Variants in RNF34 observed in about 807,000 individuals in gnomAD.
The protein encoded by RNF34 is E3 ubiquitin-protein ligase RNF34.
In RNF34, 12 loss-of-function variants were observed where a neutral mutation model predicts 37.9. The ratio of observed to expected loss-of-function variants is 0.32; its 90% CI spans 0.20 to 0.51. RNF34 has a LOEUF of 0.51. RNF34 is among the 20% of genes least tolerant of loss of function. The pLI is 0.97. For missense variants in RNF34, 362 were observed against 472.7 expected, an observed-to-expected ratio of 0.77 and a Z score of 2.17; for synonymous variants, 155 against 177.2, an observed-to-expected ratio of 0.87 and a Z score of 1.00.
intron 5 of RNF34, among the ~76,000 whole-genome samples, chr12:121,421,191 G>A (rs185096803): frequency 1.3e-5 from 2 of 151,952 alleles, no homozygotes; most frequent in African/African-American, 2.4e-5. Context: ...ATAGTTCTTA[G>A]CATCAACTAT....
intron 1 of RNF34, among the ~76,000 whole-genome samples, chr12:121,415,798 A>AT (rs1871507785): frequency 6.7e-6 from 1 of 148,880 alleles, no homozygotes; most frequent in Non-Finnish European, 1.5e-5. Context: ...TTTTTAGTAT[A>AT]TGCATATCCC....
At chr12:121,406,283 A>AGTTGTTGTT (rs79540358) in intron 1 of RNF34, among the ~76,000 whole-genome samples, 7,935 of 150,556 alleles carry the variant, frequency 0.053, 684 homozygotes, top group African/African-American at 0.18. Flanking sequence ...GGAATGTGTA[A>AGTTGTTGTT]GTTGTTGTTG....
At chr12:121,420,906 T>G (rs1555283260) in intron 5 of RNF34, 128 bp downstream of exon 5, 8 of 683,508 alleles carry the variant, frequency 1.2e-5, no homozygotes, top group Non-Finnish European at 1.8e-5. Flanking sequence ...TGAGTATCAG[T>G]TAGTTACATG....
intron 5 of RNF34, among the ~76,000 whole-genome samples, chr12:121,422,916 G>GA (rs3842646): frequency 0.19 from 28,988 of 151,982 alleles, 4,270 homozygotes; most frequent in African/African-American, 0.41. Context: ...ACTTTCCTAA[G>GA]GGGGAACTAA....
chr12:121,408,487 G>A (rs1490832999), intron 1 of RNF34, among the ~76,000 whole-genome samples: 1 of 152,040 alleles, frequency 6.6e-6, no homozygotes, highest in African/African-American at 2.4e-5. Context: ...TAGAAAATGT[G>A]TACAGATTTA....
rs1871752850 is a variant in RNF34 at position 121,418,169 on chromosome 12, G to C, written c.633+258G>C. The C allele has an allele frequency of 1.3e-5, 6 of 467,288 alleles. No individual in the cohort carries two copies. The South Asian group carries it at 1.4e-4, about 11-fold the overall frequency. 28.9% of individuals were successfully genotyped at this position (467,288 alleles called of 1,614,324 possible). ...TCTCTTGGCCTTAGTTAATTTCTCT[G>C]TCTTACACAGTTAGACACTAACTGT... is the stretch of plus-strand genomic sequence containing the variant. On this transcript the variant is annotated intron_variant, in intron 3 of 5. Transcript: ENST00000361234.
intron 3 of RNF34, among the ~76,000 whole-genome samples, chr12:121,419,277 T>C (rs1396889737): frequency 1.8e-4 from 27 of 152,228 alleles, no homozygotes; most frequent in Admixed American, 6.5e-5. Flanking sequence ...CCATGCCCTA[T>C]AGCCTAGGTG....
chr12:121,417,457 C>T lies in RNF34; in HGVS notation c.226-47C>T. 6.6e-7 allele frequency: 1 copy of T among 1,515,494 alleles called. No individual in the cohort carries two copies. Among genetic ancestry groups the T allele is most frequent in the Non-Finnish European group, 8.9e-7 (1 of 1,122,786 alleles). The allele number at this position is 1,515,494 out of a possible 1,614,324, so 93.9% of individuals were successfully genotyped here. A position where few individuals can be genotyped will look rare whatever the true frequency, so the allele number is the denominator to read the frequency against. ...AAGGCAGAAAGAAAACTCATGCTTT[C>T]ATAATGGTTTATATCTTGCTGTCAT... On this transcript the variant is annotated intron_variant, in intron 2 of 5. Coordinates refer to ENST00000361234, the MANE Select transcript of RNF34 (RefSeq NM_025126.4). The surrounding 1 kb of genome is among the most constrained non-coding windows in gnomAD (Gnocchi z 5.0).
At chr12:121,419,756 C>G (rs1271522874) in intron 3 of RNF34, 3 of 153,138 alleles carry the variant, frequency 2.0e-5, no homozygotes, top group Non-Finnish European at 4.4e-5. Context: ...TCAGTGAAGT[C>G]TAGAAAGCCT....
intron 1 of RNF34, among the ~76,000 whole-genome samples, chr12:121,408,504 G>T (rs1555280930): frequency 6.6e-6 from 1 of 152,126 alleles, no homozygotes. Context: ...TTTAAGAGGG[G>T]AAAGATCAGT....
intron 1 of RNF34, among the ~76,000 whole-genome samples, chr12:121,413,547 G>T (rs1555281679): frequency 6.7e-6 from 1 of 149,196 alleles, no homozygotes; most frequent in Non-Finnish European, 1.5e-5. Flanking sequence ...GAGTAGCTGG[G>T]ATTACAGAAG....
At chr12:121,411,513 T>A (rs1871056648) in intron 1 of RNF34, among the ~76,000 whole-genome samples, 1 of 152,218 alleles carries the variant, frequency 6.6e-6, no homozygotes, top group Non-Finnish European at 1.5e-5. Context: ...TCTTCCCTAA[T>A]TCATTGTAAA....
intron 1 of RNF34, chr12:121,404,823 CATTTTGAAGT>C (rs1870367081): frequency 6.6e-6 from 1 of 152,142 alleles, no homozygotes; most frequent in Non-Finnish European, 1.5e-5. Flanking sequence ...TTAAATTGAG[CATTTTGAAGT>C]ATTTTCTCCC....
chr12:121,422,120 A>G (rs1404121840), intron 5 of RNF34, among the ~76,000 whole-genome samples: 1 of 152,186 alleles, frequency 6.6e-6, no homozygotes, highest in African/African-American at 2.4e-5. Context: ...GCACAACGAT[A>G]ATGCCATTCC....
At chr12:121,416,419 G>C (rs1555282217) in intron 2 of RNF34, 42 bp downstream of exon 2, 1 of 1,298,632 alleles carries the variant, frequency 7.7e-7, no homozygotes, top group East Asian at 2.3e-5. Flanking sequence ...ACATGGGTCA[G>C]CATTCTTGAT....
intron 1 of RNF34, among the ~76,000 whole-genome samples, chr12:121,410,780 C>A (rs1281521161): frequency 6.6e-6 from 1 of 152,154 alleles, no homozygotes; most frequent in East Asian, 1.9e-4. Flanking sequence ...TTCAGAGATT[C>A]TAATGAGGCT....
At chr12:121,408,233 G>T (rs1216225671) in intron 1 of RNF34, among the ~76,000 whole-genome samples, 1 of 152,176 alleles carries the variant, frequency 6.6e-6, no homozygotes, top group Non-Finnish European at 1.5e-5. Context: ...CTGAGGTCAG[G>T]AGTTCGAGAC....
intron 2 of RNF34, chr12:121,416,683 A>G (rs1871603206): frequency 1.2e-5 from 3 of 246,196 alleles, no homozygotes; most frequent in African/African-American, 2.3e-5. Flanking sequence ...TTTGTTCACA[A>G]ATGATTTACT....
rs1871570063 is a variant in RNF34, at chr12:121,416,315, A to G, written c.163A>G (p.Thr55Ala). 1 of 1,614,020 alleles carries G rather than the reference A, an allele frequency of 6.2e-7. No individual in the cohort carries two copies. The highest frequency in any genetic ancestry group is 1.7e-5 in the Admixed American group (1 of 59,990). ...GTTTTCCACCTACCCACCAGCAGCT[A>G]CGGAAGGGCCCAACATAGTTTGTAA... is the stretch of plus-strand genomic sequence containing the variant. ...PEFSTYPPAA[T>A]EGPNIVCKAC... The change falls in exon 2 of 6, where the codon ACG (threonine) becomes GCG (alanine). Residue 55 changes from threonine to alanine, a missense_variant. Coordinates refer to ENST00000361234, the MANE Select transcript of RNF34 (RefSeq NM_025126.4).
Sources: gnomAD v4.1 joint callset for allele counts (sites outside exome capture counted in the v4.1 genomes callset) on GRCh38, gnomAD v4.1.1 for gene constraint, Gnocchi (gnomAD v3.1) non-coding constraint, MANE v1.5 for transcripts, NCBI Gene and HGNC (gene_info 2026-07-23, HGNC 2026-07-21) for gene names.